Variants in NUP210 observed in about 807,000 individuals in gnomAD.
NUP210 encodes nucleoporin 210.
NUP210 carries 151 observed loss-of-function variants against 196.0 expected under a neutral mutation model. The ratio of observed to expected loss-of-function variants is 0.77; its 90% CI spans 0.67 to 0.88. NUP210 has a LOEUF of 0.88. Among genes scored for constraint, NUP210 ranks in the 40% least tolerant of loss-of-function variants. The probability of loss-of-function intolerance (pLI) is 0.00; values close to 1 mark genes in which losing one functional copy is unlikely to be tolerated. For missense variants in NUP210, 2,314 were observed against 2,493.7 expected (o/e 0.93, Z 1.53); for synonymous variants, 1,070 against 1,052.7 (o/e 1.02, Z -0.32).
chr3:13,355,078 C>T (rs896640647), intron 16 of NUP210, among the ~76,000 whole-genome samples: 11 of 152,220 alleles, frequency 7.2e-5, no homozygotes, highest in African/African-American at 2.7e-4. Context: ...TTATGAACTC[C>T]CTGAGCCTCA....
chr3:13,375,781 A>C, intron 10 of NUP210, 140 bp from the exon 11 acceptor site: 1 of 845,264 alleles, frequency 1.2e-6, no homozygotes, highest in African/African-American at 1.7e-5. Context: ...AAGGTGCCAG[A>C]CACCCTGCTG....
At chr3:13,419,949 AGC>A (rs1465591056) in intron 1 of NUP210, 109 bp downstream of exon 1, 14 of 631,140 alleles carry the variant, frequency 2.2e-5, no homozygotes, top group Non-Finnish European at 2.8e-5. Context: ...GCCCAGCGAG[AGC>A]GCGCCGCGCA....
At chr3:13,386,139 G>T in intron 6 of NUP210, 136 bp downstream of exon 6, 1 of 883,836 alleles carries the variant, frequency 1.1e-6, no homozygotes, top group Non-Finnish European at 1.7e-6. Context: ...GGCTGCAGAA[G>T]AGTGTGAATG....
intron 2 of NUP210, among the ~76,000 whole-genome samples, chr3:13,398,755 G>A (rs956663512): frequency 9.2e-5 from 14 of 151,860 alleles, no homozygotes; most frequent in African/African-American, 2.7e-4. Context: ...CGCCCAACTC[G>A]CCACAAAAAA....
In NUP210 at chr3:13,332,397, G is replaced by A. The variant is rs1451702283; in HGVS notation, c.3844-13C>T. Reference sequence around the variant, plus strand: ...GCTTCTCAAACACCTGCAAGAGAGGGCAAGTTTCACTTCCGATGGGGCACT... The same window carrying A: ...GCTTCTCAAACACCTGCAAGAGAGGACAAGTTTCACTTCCGATGGGGCACT... On this transcript the variant is annotated splice_polypyrimidine_tract_variant and intron_variant, in intron 28 of 39. Transcript: ENST00000254508. 1.2e-6 allele frequency: 2 copies of A among 1,606,082 alleles called. No individual in the cohort carries two copies. Among genetic ancestry groups the A allele is most frequent in the South Asian group, 1.1e-5 (1 of 90,926 alleles).
chr3:13,343,154 C>T (rs1456248340), intron 21 of NUP210, 21 bp downstream of exon 21: 4 of 1,613,276 alleles, frequency 2.5e-6, no homozygotes, highest in Non-Finnish European at 2.5e-6. Flanking sequence ...GAGGGTGCCC[C>T]GTCATGAAGC....
At chr3:13,343,324 T>TGGGG in intron 20 of NUP210, 21 bp from the exon 21 acceptor site, 3 of 211,886 alleles carry the variant, frequency 1.4e-5, no homozygotes, top group East Asian at 1.3e-4. Flanking sequence ...GGGGCGGAGG[T>TGGGG]GGAGGGGTGG....
In NUP210 at chr3:13,348,356, A is replaced by C. The variant is rs573657598; in HGVS notation, c.2835+3523T>G. ...CTAGGAACTCTTGTTCTTGGAGTAA[A>C]GGTCTCCCTCTGGTCACAAGTCCAC... On this transcript the variant is annotated intron_variant, in intron 20 of 39. Coordinates refer to ENST00000254508, the MANE Select transcript of NUP210 (RefSeq NM_024923.4). This position sits in a 1 kb window ranked among gnomAD's most constrained non-coding sequence, Gnocchi z 4.0. 1.1e-4 allele frequency: 112 copies of C among 984,902 alleles called. No homozygotes were observed. In the African/African-American group the frequency reaches 1.8e-3, roughly 16 times the overall value. The allele number at this position is 984,902 out of a possible 1,614,324, so 61.0% of individuals were successfully genotyped here.
rs1217604769 is a variant in NUP210 at position 13,347,022 on chromosome 3, G to T, written c.2836-3719C>A. On this transcript the variant is annotated intron_variant, in intron 20 of 39. Transcript: ENST00000254508. This position sits in a 1 kb window ranked among gnomAD's most constrained non-coding sequence, Gnocchi z 4.7. Reference sequence around the variant, plus strand: ...CACAGATCAGTCTCAGGGAAAAGGTGGATGCACCTGACTTCAGGCCCTGCA... The same window carrying T: ...CACAGATCAGTCTCAGGGAAAAGGTTGATGCACCTGACTTCAGGCCCTGCA... The T allele has an allele frequency of 3.2e-5, 32 of 985,402 alleles. No homozygotes were observed. The highest frequency in any genetic ancestry group is 3.9e-5 in the Non-Finnish European group (32 of 829,906). 61.0% of individuals were successfully genotyped at this position (985,402 alleles called of 1,614,324 possible).
chr3:13,371,729 G>T, intron 13 of NUP210, 105 bp downstream of exon 13: 1 of 1,031,766 alleles, frequency 9.7e-7, no homozygotes, highest in Non-Finnish European at 1.4e-6. Context: ...CAGCCCCTCT[G>T]CTGCCTCAAG....
Position 13,351,877 on chromosome 3 carries a change from A to T in NUP210, c.2835+2T>A, listed in dbSNP as rs1476030249. On this transcript the variant is annotated splice_donor_variant, in intron 20 of 39. Coordinates refer to ENST00000254508, the MANE Select transcript of NUP210 (RefSeq NM_024923.4). LOFTEE classifies it high-confidence loss of function. ...CAGTGGGGACCGATGGCCCAAGCTT[A>T]CCATGGCGACACCCCTGGCCTCCTG... 1.1e-5 allele frequency: 17 copies of T among 1,606,332 alleles called. No individual in the cohort carries two copies. Among genetic ancestry groups the T allele is most frequent in the Non-Finnish European group, 1.4e-5 (17 of 1,172,998 alleles).
intron 28 of NUP210, 33 bp from the exon 29 acceptor site, chr3:13,332,417 G>T: frequency 3.9e-6 from 6 of 1,530,082 alleles, no homozygotes; most frequent in Non-Finnish European, 4.5e-6. Context: ...CTTCCGATGG[G>T]GCACTGGAGT....
At chr3:13,328,699 G>T in intron 31 of NUP210, 72 bp downstream of exon 31, 1 of 1,386,292 alleles carries the variant, frequency 7.2e-7, no homozygotes, top group Non-Finnish European at 1.0e-6. Context: ...GACTTTCTGT[G>T]TTATCCCCAG....
intron 20 of NUP210, 43 bp downstream of exon 20, chr3:13,351,836 A>C (rs1231437957): frequency 8.0e-7 from 1 of 1,243,884 alleles, no homozygotes; most frequent in African/African-American, 1.5e-5. Flanking sequence ...CAGCCCAGAT[A>C]AGGAATGAAA....
intron 8 of NUP210, among the ~76,000 whole-genome samples, chr3:13,378,463 G>T (rs1358692952): frequency 6.6e-6 from 1 of 152,218 alleles, no homozygotes; most frequent in Non-Finnish European, 1.5e-5. Flanking sequence ...TCCCGCAAAA[G>T]AAGCTCTGTC....
At chr3:13,330,152 G>A (rs1351465371) in intron 30 of NUP210, among the ~76,000 whole-genome samples, 1 of 152,208 alleles carries the variant, frequency 6.6e-6, no homozygotes, top group Non-Finnish European at 1.5e-5. Context: ...TGGAGCACCC[G>A]CACTCCAGTC....
chr3:13,385,548 C>T (rs1191299360), intron 6 of NUP210, among the ~76,000 whole-genome samples: 1 of 152,224 alleles, frequency 6.6e-6, no homozygotes, highest in Non-Finnish European at 1.5e-5. Context: ...GGCCTCAAAG[C>T]CTCCAATGAG....
chr3:13,329,506 A>G (rs2124841152), intron 30 of NUP210, among the ~76,000 whole-genome samples: 1 of 152,336 alleles, frequency 6.6e-6, no homozygotes, highest in Non-Finnish European at 1.5e-5. Flanking sequence ...TCTTTAACAA[A>G]GTTCAGTGGT....
chr3:13,353,661 C>CT lies in NUP210; in HGVS notation c.2522-2dup, dbSNP rs1371979079. 6.2e-7 allele frequency: 1 copy of CT among 1,613,832 alleles called. No homozygotes were observed. Among genetic ancestry groups the CT allele is most frequent in the South Asian group, 1.1e-5 (1 of 91,060 alleles). Reference sequence around the variant, plus strand: ...TCGTGAACCAAAATGGCCTGCAAACCTGAGACCAGGAAGAAGGAAGCCACC... The same window carrying CT: ...TCGTGAACCAAAATGGCCTGCAAACCTTGAGACCAGGAAGAAGGAAGCCACC... On this transcript the variant is annotated splice_acceptor_variant, in intron 17 of 39. Transcript: ENST00000254508. LOFTEE classifies it high-confidence loss of function.
Sources: allele counts gnomAD v4.1 joint callset (sites outside exome capture counted in the v4.1 genomes callset), GRCh38; gene constraint gnomAD v4.1.1; non-coding constraint Gnocchi (gnomAD v3.1); transcripts MANE v1.5; gene names NCBI Gene and HGNC (gene_info 2026-07-23, HGNC 2026-07-21).